Variants in ANO2 observed in about 807,000 individuals in gnomAD.
The protein encoded by ANO2 is anoctamin 2, also known as anoctamin-2.
Under a neutral mutation model 124.2 loss-of-function variants are expected in ANO2, and 101 were observed. The observed-to-expected ratio is 0.81, with a 90% CI of 0.69 to 0.96. ANO2 has a LOEUF of 0.96. Among genes scored for constraint, ANO2 ranks in the 40% least tolerant of loss-of-function variants. The pLI, the probability that ANO2 is intolerant of heterozygous loss-of-function variation, is 0.00. For synonymous variants in ANO2, 486 were observed against 482.5 expected (o/e 1.01, Z -0.09); for missense variants, 1,293 against 1,274.5 (o/e 1.01, Z -0.22).
intron 16 of ANO2, among the ~76,000 whole-genome samples, chr12:5,633,452 A>C (rs558845889): frequency 1.3e-5 from 2 of 152,260 alleles, no homozygotes; most frequent in African/African-American, 4.8e-5. Flanking sequence ...CTGGTTCAGT[A>C]ATCAGGCCAG....
chr12:5,603,968 A>C (rs1944083746), intron 19 of ANO2, among the ~76,000 whole-genome samples: 1 of 145,102 alleles, frequency 6.9e-6, no homozygotes, highest in South Asian at 2.2e-4. Flanking sequence ...AAAAAAAAGA[A>C]AATGATGAAA....
chr12:5,568,058 A>T (rs1941877874), intron 23 of ANO2, among the ~76,000 whole-genome samples: 1 of 151,816 alleles, frequency 6.6e-6, no homozygotes, highest in Non-Finnish European at 1.5e-5. Flanking sequence ...TACACAAAAC[A>T]TACTTTGTTG....
intron 3 of ANO2, among the ~76,000 whole-genome samples, chr12:5,857,384 A>G (rs1168951455): frequency 4.6e-5 from 7 of 152,196 alleles, no homozygotes; most frequent in Non-Finnish European, 1.0e-4. Flanking sequence ...CTTTGGGTAC[A>G]TACCCAAGAA....
At chr12:5,935,447 G>A (rs1444887202) in intron 1 of ANO2, among the ~76,000 whole-genome samples, 2 of 152,162 alleles carry the variant, frequency 1.3e-5, no homozygotes, top group Admixed American at 1.3e-4. Context: ...ACTAGTGGGG[G>A]AAAATTTTGA....
At position 5,599,556 on chromosome 12, in the gene ANO2, G is replaced by C. The variant is rs752700191; in HGVS notation, c.2161C>G (p.His721Asp). Residue 721 changes from histidine (H) to aspartate (D), a missense_variant, in exon 20 of 25, where the codon CAT becomes GAT. His to Asp is a moderately conservative substitution (Grantham distance 81). Transcript: ENST00000682330. ...TAGTCTAGGTCCCACTGCTCTGGAT[G>C]TTTCGAATGGGCAGAGTCAGTTTCT... ...AGETDSAHSKHPEQWDLDYSL... is the reference protein window; with the variant it reads ...AGETDSAHSKDPEQWDLDYSL... The C allele has an allele frequency of 6.2e-7, 1 of 1,613,946 alleles. No homozygotes were observed. The highest frequency in any genetic ancestry group is 1.1e-5 in the South Asian group (1 of 91,056).
intron 14 of ANO2, among the ~76,000 whole-genome samples, chr12:5,689,027 G>C (rs1948819160): frequency 1.3e-5 from 2 of 152,000 alleles, no homozygotes; most frequent in African/African-American, 4.8e-5. Context: ...GTATTGATTA[G>C]GAAGATAACT....
At chr12:5,601,375 A>G (rs902308765) in intron 19 of ANO2, among the ~76,000 whole-genome samples, 1 of 152,176 alleles carries the variant, frequency 6.6e-6, no homozygotes, top group African/African-American at 2.4e-5. Flanking sequence ...TTAGAATTTC[A>G]TAAGAAAAAT....
At chr12:5,573,111 T>A (rs899787915) in intron 23 of ANO2, among the ~76,000 whole-genome samples, 4 of 152,138 alleles carry the variant, frequency 2.6e-5, no homozygotes, top group African/African-American at 9.7e-5. Context: ...AAAAACACAG[T>A]CAACATTGAC....
At chr12:5,698,894 G>GA (rs1237307121) in intron 14 of ANO2, among the ~76,000 whole-genome samples, 22 of 152,122 alleles carry the variant, frequency 1.4e-4, no homozygotes, top group African/African-American at 4.8e-4. Context: ...GAAGTTTAGA[G>GA]AAAAAAGAGT....
chr12:5,827,679 T>C, intron 7 of ANO2, 90 bp downstream of exon 7: 1 of 1,445,894 alleles, frequency 6.9e-7, no homozygotes, highest in African/African-American at 1.4e-5. Context: ...TGTTTTGTTC[T>C]TTGCTGCCGA....
intron 3 of ANO2, among the ~76,000 whole-genome samples, chr12:5,909,671 C>A (rs1325847235): frequency 6.6e-6 from 1 of 152,212 alleles, no homozygotes; most frequent in Admixed American, 6.5e-5. Context: ...CAGCAGCACA[C>A]AGGAGCCCAG....
chr12:5,777,189 G>T (rs1324602763), intron 10 of ANO2, among the ~76,000 whole-genome samples: 1 of 152,202 alleles, frequency 6.6e-6, no homozygotes, highest in Non-Finnish European at 1.5e-5. Context: ...ACAGGGTCCA[G>T]TTAGCTGTAG....
intron 15 of ANO2, among the ~76,000 whole-genome samples, chr12:5,642,543 ACTT>A (rs1591804726): frequency 1.3e-5 from 2 of 152,266 alleles, no homozygotes; most frequent in East Asian, 1.9e-4. Flanking sequence ...AGGCCACCGC[ACTT>A]CTTGCATTAT....
rs1415609360 is a variant in ANO2, at chr12:5,900,316, T to C, written c.534+20724A>G. On this transcript the variant is annotated intron_variant, in intron 3 of 24. Coordinates refer to ENST00000682330, the MANE Select transcript of ANO2 (RefSeq NM_001364791.2). The surrounding 1 kb of genome is among the most constrained non-coding windows in gnomAD (Gnocchi z 4.2). ...GCTGAGACTTACTCCCTGGAACACA[T>C]GGTTGTTTGGATCAGGCATCCGTTT... Among the ~76,000 whole-genome samples, 1 of 152,178 alleles carries C rather than the reference T, an allele frequency of 6.6e-6. No homozygotes were observed. Among genetic ancestry groups the C allele is most frequent in the Non-Finnish European group, 1.5e-5 (1 of 68,018 alleles).
intron 9 of ANO2, among the ~76,000 whole-genome samples, chr12:5,802,566 T>C (rs1204099226): frequency 6.6e-6 from 1 of 152,174 alleles, no homozygotes; most frequent in Non-Finnish European, 1.5e-5. Flanking sequence ...CATGCTGAAC[T>C]CCAGCTTGCA....
chr12:5,774,681 G>T, intron 10 of ANO2, among the ~76,000 whole-genome samples: 1 of 152,184 alleles, frequency 6.6e-6, no homozygotes, highest in East Asian at 1.9e-4. Flanking sequence ...CTCTAGGAGA[G>T]CTGCGTCAGG....
intron 7 of ANO2, among the ~76,000 whole-genome samples, chr12:5,809,771 C>G (rs187245407): frequency 6.6e-6 from 1 of 152,316 alleles, no homozygotes. Context: ...GTTTTGTGTT[C>G]CCCAGAGGCC....
intron 3 of ANO2, among the ~76,000 whole-genome samples, chr12:5,919,266 T>C (rs559113159): frequency 6.6e-6 from 1 of 151,974 alleles, no homozygotes; most frequent in Non-Finnish European, 1.5e-5. Context: ...GGGAATGTGA[T>C]GCACAGGTCT....
intron 19 of ANO2, among the ~76,000 whole-genome samples, chr12:5,602,521 A>C (rs754602169): frequency 6.6e-6 from 1 of 152,162 alleles, no homozygotes; most frequent in Admixed American, 6.6e-5. Context: ...CCCAAAGTAC[A>C]AGGATTACAA....
Sources: gnomAD v4.1 joint callset for allele counts (sites outside exome capture counted in the v4.1 genomes callset) on GRCh38, gnomAD v4.1.1 for gene constraint, Gnocchi (gnomAD v3.1) non-coding constraint, MANE v1.5 for transcripts, NCBI Gene and HGNC (gene_info 2026-07-23, HGNC 2026-07-21) for gene names.